The following RAMP3 variants were observed in gnomAD, a reference collection of about 807,000 sequenced individuals.
The protein encoded by RAMP3 is receptor activity-modifying protein 3.
RAMP3 carries 14 observed loss-of-function variants against 13.5 expected under a neutral mutation model. That is an observed-to-expected ratio of 1.04 (90% CI 0.69 to 1.63). The LOEUF (loss-of-function observed/expected upper bound fraction) is 1.63, where lower values mean the gene tolerates loss of function less well. Ranked by LOEUF, RAMP3 falls within the 40% of genes most tolerant of loss-of-function variation. The probability of loss-of-function intolerance (pLI) is 0.00; values close to 1 mark genes in which losing one functional copy is unlikely to be tolerated. For missense variants in RAMP3, 200 were observed against 204.8 expected, an observed-to-expected ratio of 0.98 and a Z score of 0.14; for synonymous variants, 106 against 88.3, an observed-to-expected ratio of 1.20 and a Z score of -1.12.
At position 45,177,533 on chromosome 7, in the gene RAMP3, C is replaced by T. The variant is rs140738956; in HGVS notation, c.191+92C>T. On this transcript the variant is annotated intron_variant, in intron 2 of 2. Coordinates refer to ENST00000242249, the MANE Select transcript of RAMP3 (RefSeq NM_005856.3). Reference sequence around the variant, plus strand: ...TGACCACAGCCTGACCGCACTCTACCCAAGGCCTCACCCATGCCTCACCCA... The same window carrying T: ...TGACCACAGCCTGACCGCACTCTACTCAAGGCCTCACCCATGCCTCACCCA... The T allele has an allele frequency of 3.6e-5, 57 of 1,564,054 alleles. No homozygotes were observed. The African/African-American group carries it at 7.3e-4, about 20-fold the overall frequency.
chr7:45,158,464 G>C (rs371598769), intron 1 of RAMP3, among the ~76,000 whole-genome samples: 1 of 152,226 alleles, frequency 6.6e-6, no homozygotes, highest in Non-Finnish European at 1.5e-5. Flanking sequence ...TCTTCGGCAA[G>C]AAATCAGGAC....
intron 2 of RAMP3, among the ~76,000 whole-genome samples, chr7:45,181,957 T>C (rs1348819238): frequency 6.6e-6 from 1 of 152,070 alleles, no homozygotes; most frequent in Non-Finnish European, 1.5e-5. Context: ...CTGGGCTGAG[T>C]GACTGTACCT....
At chr7:45,160,516 C>T (rs1785844589) in intron 1 of RAMP3, among the ~76,000 whole-genome samples, 1 of 152,006 alleles carries the variant, frequency 6.6e-6, no homozygotes, top group Non-Finnish European at 1.5e-5. Context: ...TGCCCAACCA[C>T]AGAGACCAGG....
At chr7:45,181,199 T>C (rs1786305401) in intron 2 of RAMP3, among the ~76,000 whole-genome samples, 1 of 152,150 alleles carries the variant, frequency 6.6e-6, no homozygotes, top group South Asian at 2.1e-4. Flanking sequence ...ACCACAAAGA[T>C]GGTGAGTGGC....
rs1786368833 is a variant in RAMP3, at chr7:45,183,761, G to A, written c.*349G>A. 1 of 553,214 alleles carries A rather than the reference G, an allele frequency of 1.8e-6. No individual in the cohort carries two copies. Among genetic ancestry groups the A allele is most frequent in the Non-Finnish European group, 3.2e-6 (1 of 311,850 alleles). 34.3% of individuals were successfully genotyped at this position (553,214 alleles called of 1,614,324 possible). On this transcript the variant is annotated 3_prime_UTR_variant, in exon 3 of 3. Transcript: ENST00000242249. ...GGTTTCTATGCTGTTTCTTAGCACA[G>A]AATCCAGCCTAGCCTTAGCCGCAGT...
At chr7:45,172,527 G>A (rs1304515888) in intron 1 of RAMP3, among the ~76,000 whole-genome samples, 1 of 152,208 alleles carries the variant, frequency 6.6e-6, no homozygotes, top group African/African-American at 2.4e-5. Flanking sequence ...CCAGGCTAGA[G>A]TGCAGTGGCA....
Position 45,183,579 on chromosome 7 carries a change from C to CAGGG in RAMP3, c.*167_*168insAGGG. ...GCTGACCTGCTCCCTCGAGGCCAGC[C>CAGGG]TGCTCCCTGGCTGAGGCTCAGGCTA... On this transcript the variant is annotated 3_prime_UTR_variant, in exon 3 of 3. Coordinates refer to ENST00000242249, the MANE Select transcript of RAMP3 (RefSeq NM_005856.3). 1 of 977,836 alleles carries CAGGG rather than the reference C, an allele frequency of 1.0e-6. No homozygotes were observed. Among genetic ancestry groups the CAGGG allele is most frequent in the Non-Finnish European group, 1.5e-6 (1 of 665,734 alleles). 60.6% of individuals were successfully genotyped at this position (977,836 alleles called of 1,614,324 possible).
chr7:45,158,679 TG>T (rs1785810384), intron 1 of RAMP3, among the ~76,000 whole-genome samples: 8 of 151,708 alleles, frequency 5.3e-5, no homozygotes, highest in Non-Finnish European at 5.9e-5. Flanking sequence ...GGGGGGACAT[TG>T]GTGATGGAGG....
In RAMP3 at chr7:45,180,538, G is replaced by A. The variant is rs549675366; in HGVS notation, c.192-2619G>A. Among the ~76,000 whole-genome samples, 14 of 152,328 alleles carry A rather than the reference G, an allele frequency of 9.2e-5. No homozygotes were observed. The South Asian group carries it at 1.2e-3, about 14-fold the overall frequency. ...TGGCCTGCCTGTGGCCTTCCCTGGG[G>A]AGGAGTCTCATTGCCCCTCGGGGCA... On this transcript the variant is annotated intron_variant, in intron 2 of 2. Coordinates refer to ENST00000242249, the MANE Select transcript of RAMP3 (RefSeq NM_005856.3).
chr7:45,170,629 GC>G (rs57076447), intron 1 of RAMP3, among the ~76,000 whole-genome samples: 37,245 of 150,550 alleles, frequency 0.25, 5,319 homozygotes, highest in African/African-American at 0.39. Flanking sequence ...GAGCCTCTGC[GC>G]CCGGCCTTAT....
intron 1 of RAMP3, among the ~76,000 whole-genome samples, chr7:45,159,134 C>T (rs117122752): frequency 0.017 from 2,565 of 152,332 alleles, 17 homozygotes; most frequent in Non-Finnish European, 0.025. Flanking sequence ...TCCTGTCTCT[C>T]GTGGACCCAG....
At chr7:45,176,392 A>ACG (rs1159224123) in intron 1 of RAMP3, among the ~76,000 whole-genome samples, 1 of 127,720 alleles carries the variant, frequency 7.8e-6, no homozygotes, top group Non-Finnish European at 1.7e-5. Flanking sequence ...GTACCTACAC[A>ACG]CACACACACA....
intron 1 of RAMP3, among the ~76,000 whole-genome samples, chr7:45,168,406 C>CAAAAAAAA (rs71030854): frequency 2.0e-4 from 14 of 70,358 alleles, no homozygotes; most frequent in African/African-American, 6.4e-4. Flanking sequence ...ACTCTGTTTC[C>CAAAAAAAA]AAAAAAAAAA....
intron 1 of RAMP3, among the ~76,000 whole-genome samples, chr7:45,165,671 C>T (rs964495988): frequency 3.3e-5 from 5 of 152,164 alleles, no homozygotes; most frequent in Admixed American, 1.3e-4. Context: ...AATAAACCCC[C>T]TACCCATTAG....
intron 2 of RAMP3, among the ~76,000 whole-genome samples, chr7:45,178,101 T>C (rs1786230900): frequency 6.6e-6 from 1 of 152,092 alleles, no homozygotes; most frequent in African/African-American, 2.4e-5. Context: ...CCACCTCTCC[T>C]TACAGCTGGA....
At chr7:45,179,772 G>A (rs936001903) in intron 2 of RAMP3, among the ~76,000 whole-genome samples, 2 of 152,186 alleles carry the variant, frequency 1.3e-5, no homozygotes, top group Admixed American at 6.5e-5. Context: ...GCTTGCAGCC[G>A]GTGAGGGCTT....
intron 2 of RAMP3, among the ~76,000 whole-genome samples, chr7:45,180,774 C>T (rs4724372): frequency 0.064 from 9,686 of 152,314 alleles, 359 homozygotes; most frequent in East Asian, 0.1. Flanking sequence ...TGCCCGGCTT[C>T]CAGCCTGCTG....
chr7:45,175,522 G>A (rs1224028872), intron 1 of RAMP3, among the ~76,000 whole-genome samples: 1 of 152,236 alleles, frequency 6.6e-6, no homozygotes, highest in African/African-American at 2.4e-5. Context: ...ACCCCCAGGG[G>A]CCCTTCTCAG....
At chr7:45,161,002 C>T (rs990137602) in intron 1 of RAMP3, among the ~76,000 whole-genome samples, 5 of 152,354 alleles carry the variant, frequency 3.3e-5, no homozygotes, top group South Asian at 4.1e-4. Context: ...TCTCAGGGTG[C>T]CTGCCTTGTG....
Sources: allele counts gnomAD v4.1 joint callset (sites outside exome capture counted in the v4.1 genomes callset), GRCh38; gene constraint gnomAD v4.1.1; transcripts MANE v1.5; gene names NCBI Gene and HGNC (gene_info 2026-07-23, HGNC 2026-07-21).